Variants in COBL observed in about 807,000 individuals in gnomAD.
COBL encodes the protein protein cordon-bleu.
COBL carries 51 observed loss-of-function variants against 98.8 expected under a neutral mutation model. That is an observed-to-expected ratio of 0.52 (90% CI 0.41 to 0.65). The LOEUF (loss-of-function observed/expected upper bound fraction) is 0.65, where lower values mean the gene tolerates loss of function less well. COBL is among the 30% of genes least tolerant of loss of function. COBL has a pLI of 0.00. For missense variants in COBL, 1,617 were observed against 1,617.5 expected, an observed-to-expected ratio of 1.00 and a Z score of 0.01; for synonymous variants, 634 against 651.7, an observed-to-expected ratio of 0.97 and a Z score of 0.41.
At chr7:51,173,054 G>A (rs968871175) in intron 5 of COBL, among the ~76,000 whole-genome samples, 3 of 152,144 alleles carry the variant, frequency 2.0e-5, no homozygotes, top group African/African-American at 7.2e-5. Flanking sequence ...CTCCCAAAAT[G>A]CTAGGATTAC....
At chr7:51,225,563 G>T (rs566505443) in intron 1 of COBL, among the ~76,000 whole-genome samples, 3 of 152,176 alleles carry the variant, frequency 2.0e-5, no homozygotes, top group African/African-American at 7.2e-5. Flanking sequence ...AGCTTCCTTT[G>T]ATCTATTCAG....
intron 1 of COBL, among the ~76,000 whole-genome samples, chr7:51,227,049 C>A (rs991040203): frequency 1.9e-4 from 29 of 152,138 alleles, no homozygotes; most frequent in African/African-American, 6.8e-4. Flanking sequence ...AAAACAAGCA[C>A]CGGGGTTCCT....
chr7:51,299,870 G>A (rs888093497), intron 1 of COBL, among the ~76,000 whole-genome samples: 1 of 152,156 alleles, frequency 6.6e-6, no homozygotes, highest in African/African-American at 2.4e-5. Context: ...CCCTACTTGA[G>A]GCACCATCAA....
intron 1 of COBL, among the ~76,000 whole-genome samples, chr7:51,277,374 G>C (rs929103617): frequency 5.9e-5 from 9 of 152,198 alleles, no homozygotes; most frequent in Admixed American, 1.3e-4. Flanking sequence ...GAAGGAGAGA[G>C]AGAATAGAGC....
intron 1 of COBL, among the ~76,000 whole-genome samples, chr7:51,297,623 C>CTGGT (rs1801540887): frequency 6.6e-6 from 1 of 152,032 alleles, no homozygotes; most frequent in Non-Finnish European, 1.5e-5. Context: ...GAACTCCTGA[C>CTGGT]CTCAGGTGAT....
intron 5 of COBL, among the ~76,000 whole-genome samples, chr7:51,182,699 G>C (rs1367875470): frequency 6.6e-6 from 1 of 151,946 alleles, no homozygotes; most frequent in Non-Finnish European, 1.5e-5. Flanking sequence ...GAGTGGGAGG[G>C]GATAGAAAAT....
intron 5 of COBL, among the ~76,000 whole-genome samples, chr7:51,167,161 T>G (rs904775160): frequency 6.6e-6 from 1 of 152,146 alleles, no homozygotes; most frequent in African/African-American, 2.4e-5. Context: ...AGAAGTCAAA[T>G]TATCCTTGTT....
intron 6 of COBL, among the ~76,000 whole-genome samples, chr7:51,128,731 T>A (rs1798459491): frequency 6.6e-6 from 1 of 150,576 alleles, no homozygotes; most frequent in Admixed American, 6.6e-5. Context: ...TCAAGGAGGC[T>A]CCATAAGACA....
At chr7:51,146,827 A>T (rs1299710042) in intron 5 of COBL, among the ~76,000 whole-genome samples, 1 of 152,196 alleles carries the variant, frequency 6.6e-6, no homozygotes, top group African/African-American at 2.4e-5. Flanking sequence ...AGCAGGTCAG[A>T]GCAGTCAGGA....
At chr7:51,024,496 T>C (rs1787301582) in intron 12 of COBL, among the ~76,000 whole-genome samples, 1 of 152,022 alleles carries the variant, frequency 6.6e-6, no homozygotes, top group Admixed American at 6.5e-5. Context: ...CCCTTTAATC[T>C]AGGAATTCCA....
At chr7:51,224,716 C>T (rs1269839044) in intron 1 of COBL, among the ~76,000 whole-genome samples, 1 of 152,028 alleles carries the variant, frequency 6.6e-6, no homozygotes, top group Non-Finnish European at 1.5e-5. Context: ...ACGGCAATGG[C>T]GCAATCTTGG....
intron 7 of COBL, among the ~76,000 whole-genome samples, chr7:51,053,721 C>G (rs1562848845): frequency 6.6e-6 from 1 of 152,220 alleles, no homozygotes; most frequent in Non-Finnish European, 1.5e-5. Context: ...TGCCTCCCCA[C>G]CTGGCACAGG....
At chr7:51,223,470 C>G (rs916881118) in intron 1 of COBL, among the ~76,000 whole-genome samples, 1 of 152,348 alleles carries the variant, frequency 6.6e-6, no homozygotes, top group African/African-American at 2.4e-5. Flanking sequence ...CGTCACACAT[C>G]TGTGCCCTGT....
intron 12 of COBL, among the ~76,000 whole-genome samples, chr7:51,019,898 T>C (rs749742688): frequency 3.3e-5 from 5 of 152,214 alleles, no homozygotes; most frequent in Admixed American, 6.5e-5. Context: ...TATGAGGACC[T>C]AGGGCTTAGA....
chr7:51,258,978 A>T (rs1430048351), intron 1 of COBL, among the ~76,000 whole-genome samples: 2 of 152,010 alleles, frequency 1.3e-5, no homozygotes, highest in Non-Finnish European at 1.5e-5. Flanking sequence ...CCCAATCTCA[A>T]AGTTACCCTT....
intron 1 of COBL, among the ~76,000 whole-genome samples, chr7:51,266,446 C>CAAATTTGGTA (rs1798207954): frequency 2.0e-5 from 3 of 152,084 alleles, no homozygotes; most frequent in African/African-American, 7.2e-5. Flanking sequence ...GGCATGGTGG[C>CAAATTTGGTA]GCATTCCTGT....
Position 51,119,533 on chromosome 7 carries a change from C to T in COBL, c.957+16625G>A, listed in dbSNP as rs548151882. Among the ~76,000 whole-genome samples the T allele has an allele frequency of 1.1e-4, 16 of 152,262 alleles. No homozygotes were observed. The East Asian group carries it at 2.1e-3, about 20-fold the overall frequency. On this transcript the variant is annotated intron_variant, in intron 6 of 12. Transcript: ENST00000265136. ...CCTTTTCCTCTAAAATTAGACACTG[C>T]ACCACGAGCTTCTCTAATATGGAAA... is the stretch of plus-strand genomic sequence containing the variant.
At position 51,025,258 on chromosome 7, in the gene COBL, G is replaced by GGGGGTGGGGGGGGGGGGGGGGGGGC; in HGVS notation, c.3618_3619insGCCCCCCCCCCCCCCCCCCCACCCC (p.Pro1207AlafsTer89). 1 of 725,724 alleles carries GGGGGTGGGGGGGGGGGGGGGGGGGC rather than the reference G, an allele frequency of 1.4e-6. No homozygotes were observed. 45.0% of individuals were successfully genotyped at this position (725,724 alleles called of 1,614,324 possible). ...TGGGAGGGTGGAGGGGGTGGTGGGG[G>GGGGGTGGGGGGGGGGGGGGGGGGGC]AATGGCTGGTGGGGACAGAAGACCA... On this transcript the variant is annotated frameshift_variant, in exon 12 of 13. Transcript: ENST00000265136. LOFTEE classifies it high-confidence loss of function.
At chr7:51,093,026 T>C (rs1325292461) in intron 6 of COBL, among the ~76,000 whole-genome samples, 2 of 152,156 alleles carry the variant, frequency 1.3e-5, no homozygotes, top group Non-Finnish European at 2.9e-5. Context: ...AATTCATAAA[T>C]AGGAATGCAT....
Sources: gnomAD v4.1 joint callset for allele counts (sites outside exome capture counted in the v4.1 genomes callset) on GRCh38, gnomAD v4.1.1 for gene constraint, MANE v1.5 for transcripts, NCBI Gene and HGNC (gene_info 2026-07-23, HGNC 2026-07-21) for gene names.